The following TRIO variants were observed in gnomAD, a reference collection of about 807,000 sequenced individuals.
The protein encoded by TRIO is triple functional domain protein.
TRIO carries 58 observed loss-of-function variants against 351.9 expected under a neutral mutation model. The observed-to-expected ratio is 0.16, with a 90% CI of 0.13 to 0.21. The LOEUF (loss-of-function observed/expected upper bound fraction) is 0.21, where lower values mean the gene tolerates loss of function less well. TRIO is among the 10% of genes least tolerant of loss of function. TRIO has a pLI of 1.00. For synonymous variants in TRIO, 1,758 were observed against 1,595.7 expected (o/e 1.10, Z -2.42); for missense variants, 3,201 against 4,027.8 (o/e 0.79, Z 5.56).
chr5:14,240,697 G>A (rs114825233), intron 1 of TRIO, among the ~76,000 whole-genome samples: 2,106 of 152,262 alleles, frequency 0.014, 32 homozygotes, highest in African/African-American at 0.048. Context: ...GCATCCTTTT[G>A]TAGATTTTCA....
rs540299728 is a variant in TRIO, at chr5:14,345,075, G to A, written c.2046+8348G>A. Among the ~76,000 whole-genome samples the A allele has an allele frequency of 1.2e-3, 182 of 152,306 alleles. 2 individuals carry two copies. The highest frequency in any genetic ancestry group is 4.1e-3 in the African/African-American group (170 of 41,574). On this transcript the variant is annotated intron_variant, in intron 11 of 56. Transcript: ENST00000344204. The stretch of plus-strand genomic sequence containing the variant: ...TATTATAATATTATCTGAAAGGAAA[G>A]TCCTTTTATCAGAATAACTTAAAAC...
intron 1 of TRIO, among the ~76,000 whole-genome samples, chr5:14,263,585 A>T (rs1182574909): frequency 6.6e-6 from 1 of 152,186 alleles, no homozygotes; most frequent in Non-Finnish European, 1.5e-5. Flanking sequence ...TCTTGATCTG[A>T]TGTGTATCAA....
chr5:14,442,519 G>A (rs74865943), intron 34 of TRIO, among the ~76,000 whole-genome samples: 1,607 of 152,304 alleles, frequency 0.011, 14 homozygotes, highest in African/African-American at 0.037. Flanking sequence ...TGTTGCATGT[G>A]TGGTTCTCAA....
In TRIO at chr5:14,394,095, G is replaced by A; in HGVS notation, c.4276G>A (p.Val1426Ile). The change falls in exon 28 of 57, where the codon GTT becomes ATT. Residue 1426 changes from valine to isoleucine, a missense_variant. Coordinates refer to ENST00000344204, the MANE Select transcript of TRIO (RefSeq NM_007118.4). ...CATTTCTTCCTACCTTATTAAACCAGTTCAGCGAATAACGAAGTATCAGCT... is the reference window on the plus strand; with the variant it reads ...CATTTCTTCCTACCTTATTAAACCAATTCAGCGAATAACGAAGTATCAGCT... ...NSISSYLIKP[V>I]QRITKYQLLL... is the part of the protein sequence containing the mutation. 6.2e-7 allele frequency: 1 copy of A among 1,612,906 alleles called. No individual in the cohort carries two copies. Among genetic ancestry groups the A allele is most frequent in the Non-Finnish European group, 8.5e-7 (1 of 1,179,360 alleles).
chr5:14,235,756 C>T (rs1413053180), intron 1 of TRIO, among the ~76,000 whole-genome samples: 1 of 151,834 alleles, frequency 6.6e-6, no homozygotes, highest in Non-Finnish European at 1.5e-5. Flanking sequence ...AAAGTTGTCA[C>T]AAGTTTATGG....
At chr5:14,348,491 CTG>C (rs766350601) in intron 11 of TRIO, among the ~76,000 whole-genome samples, 2 of 152,252 alleles carry the variant, frequency 1.3e-5, no homozygotes, top group African/African-American at 2.4e-5. Context: ...GTGCGTGTGT[CTG>C]TATGTACGTG....
At chr5:14,201,501 G>T (rs1233528701) in intron 1 of TRIO, among the ~76,000 whole-genome samples, 1 of 152,156 alleles carries the variant, frequency 6.6e-6, no homozygotes, top group Non-Finnish European at 1.5e-5. Flanking sequence ...GTCATATCCT[G>T]TGGTTTTAAG....
At chr5:14,175,266 G>A (rs1261523058) in intron 1 of TRIO, among the ~76,000 whole-genome samples, 1 of 152,194 alleles carries the variant, frequency 6.6e-6, no homozygotes, top group East Asian at 1.9e-4. Context: ...TGGGATACAT[G>A]TGCAGAATGT....
chr5:14,217,692 A>T (rs1179216927), intron 1 of TRIO, among the ~76,000 whole-genome samples: 1 of 152,212 alleles, frequency 6.6e-6, no homozygotes, highest in African/African-American at 2.4e-5. Flanking sequence ...GAATGTGAGT[A>T]TCATTCTAGA....
chr5:14,266,725 T>C (rs1475822686), intron 1 of TRIO, among the ~76,000 whole-genome samples: 1 of 152,202 alleles, frequency 6.6e-6, no homozygotes, highest in Non-Finnish European at 1.5e-5. Context: ...AAGAAAATCA[T>C]CAAGCACCAC....
In TRIO at chr5:14,487,660, T is replaced by C. The variant is rs764216430; in HGVS notation, c.7032T>C (p.Pro2344=). The C allele has an allele frequency of 7.4e-7, 1 of 1,344,438 alleles. No homozygotes were observed. The highest frequency in any genetic ancestry group is 2.0e-5 in the South Asian group (1 of 50,698). 83.3% of individuals were successfully genotyped at this position (1,344,438 alleles called of 1,614,324 possible). The change falls in exon 48 of 57, where the codon CCT becomes CCC. Residue 2344 remains proline (P), a synonymous_variant. Transcript: ENST00000344204. ...GCCGGCCCTCCCGGATCCCCCAGCC[T>C]GTCCGACACCACCCCCCCGTGCTGG... The part of the protein sequence containing the change: ...SRSRPSRIPQ[P]VRHHPPVLVS...
At chr5:14,456,056 C>T (rs547818993) in intron 34 of TRIO, among the ~76,000 whole-genome samples, 12 of 152,346 alleles carry the variant, frequency 7.9e-5, no homozygotes, top group Admixed American at 2.6e-4. Flanking sequence ...GCGGTGCGGG[C>T]GGGCTGGCTG....
intron 33 of TRIO, among the ~76,000 whole-genome samples, chr5:14,417,270 A>G (rs1027287429): frequency 3.3e-5 from 5 of 152,246 alleles, no homozygotes; most frequent in African/African-American, 1.2e-4. Context: ...CTTGTGGCCT[A>G]GCAAAGCTGA....
Position 14,263,426 on chromosome 5 carries a change from C to G in TRIO, c.158-7399C>G, listed in dbSNP as rs187554905. On this transcript the variant is annotated intron_variant, in intron 1 of 56. Transcript: ENST00000344204. ...AGAATTATAGCTTTATTTTCTGAAG[C>G]CTTTTACAGAATATGATTTTCTTTT... 8.5e-5 allele frequency among the ~76,000 whole-genome samples: 13 copies of G among 152,082 alleles called. No individual in the cohort carries two copies. In the East Asian group the frequency reaches 2.3e-3, roughly 27 times the overall value.
At chr5:14,285,679 T>TG (rs371259425) in intron 3 of TRIO, among the ~76,000 whole-genome samples, 3 of 152,100 alleles carry the variant, frequency 2.0e-5, no homozygotes, top group South Asian at 4.1e-4. Context: ...ACTAGTTTTT[T>TG]GGGGGGATAA....
intron 13 of TRIO, among the ~76,000 whole-genome samples, chr5:14,361,706 C>T (rs1404602416): frequency 2.0e-5 from 3 of 152,232 alleles, no homozygotes; most frequent in African/African-American, 7.2e-5. Flanking sequence ...CCAGTGTGGA[C>T]AGTCCTCCTG....
chr5:14,454,410 ATCATCTTTGAATAAATAAT>A (rs1451913351), intron 34 of TRIO, among the ~76,000 whole-genome samples: 1 of 152,224 alleles, frequency 6.6e-6, no homozygotes, highest in African/African-American at 2.4e-5. Flanking sequence ...GCTTTGAATT[ATCATCTTTGAATAAATAAT>A]TCACAAACTC....
intron 1 of TRIO, among the ~76,000 whole-genome samples, chr5:14,267,738 C>T (rs1795765741): frequency 6.6e-6 from 1 of 151,832 alleles, no homozygotes; most frequent in Non-Finnish European, 1.5e-5. Context: ...AGTATTTATA[C>T]ATGCTTCCTG....
intron 1 of TRIO, among the ~76,000 whole-genome samples, chr5:14,233,667 G>T (rs935460737): frequency 3.9e-5 from 6 of 151,906 alleles, no homozygotes; most frequent in African/African-American, 1.5e-4. Flanking sequence ...CCTCCTACAG[G>T]CATGGGATTC....
Sources: allele counts gnomAD v4.1 joint callset (sites outside exome capture counted in the v4.1 genomes callset), GRCh38; gene constraint gnomAD v4.1.1; transcripts MANE v1.5; gene names NCBI Gene and HGNC (gene_info 2026-07-23, HGNC 2026-07-21).